The following NCAM1 variants were observed in gnomAD, a reference collection of about 807,000 sequenced individuals.
The protein encoded by NCAM1 is neural cell adhesion molecule 1.
A neutral mutation model predicts 109.8 loss-of-function variants in NCAM1; 14 were observed. The ratio of observed to expected loss-of-function variants is 0.13; its 90% confidence interval spans 0.08 to 0.20. The LOEUF (loss-of-function observed/expected upper bound fraction) is 0.20, where lower values mean the gene tolerates loss of function less well. NCAM1 is among the 10% of genes least tolerant of loss of function. The probability of loss-of-function intolerance (pLI) is 1.00; values close to 1 mark genes in which losing one functional copy is unlikely to be tolerated. For missense variants in NCAM1, 774 were observed against 1,109.9 expected (o/e 0.70, Z 4.30); for synonymous variants, 418 against 442.9 (o/e 0.94, Z 0.70).
intron 6 of NCAM1, 106 bp from the exon 7 acceptor site, chr11:113,207,727 G>T (rs1944278139): frequency 8.2e-7 from 1 of 1,212,338 alleles, no homozygotes; most frequent in Admixed American, 2.2e-5. Context: ...GAAGACTGAG[G>T]AGTCTTTCCC....
intron 9 of NCAM1, among the ~76,000 whole-genome samples, chr11:113,224,614 C>T (rs624550): frequency 0.61 from 92,656 of 152,094 alleles, 30,229 homozygotes; most frequent in African/African-American, 0.85. Context: ...GCTTGAGATC[C>T]GAGAACGGAC....
At chr11:113,055,575 T>G (rs1953668073) in intron 1 of NCAM1, among the ~76,000 whole-genome samples, 1 of 152,196 alleles carries the variant, frequency 6.6e-6, no homozygotes, top group Non-Finnish European at 1.5e-5. Context: ...AACCCACTCC[T>G]TGCTATTTTA....
intron 1 of NCAM1, among the ~76,000 whole-genome samples, chr11:113,067,150 G>A (rs576891990): frequency 2.2e-4 from 34 of 152,246 alleles, no homozygotes; most frequent in Admixed American, 1.2e-3. Context: ...TTCCTCCTTA[G>A]CGTAAGAGTT....
At position 113,232,676 on chromosome 11, in the gene NCAM1, C is replaced by A. The variant is rs1380709722; in HGVS notation, c.1426-42C>A. 1.0e-5 allele frequency: 15 copies of A among 1,455,632 alleles called. No homozygotes were observed. In the Middle Eastern group the frequency reaches 8.6e-4, roughly 84 times the overall value. The allele number at this position is 1,455,632 out of a possible 1,614,324, so 90.2% of individuals were successfully genotyped here. The stretch of plus-strand genomic sequence containing the variant: ...AATAAAGATCTGAGTCTGTGACCAT[C>A]CCATAGGACACTTGTAACCCAATAG... On this transcript the variant is annotated intron_variant, in intron 11 of 19. Coordinates refer to ENST00000316851, the MANE Select transcript of NCAM1 (RefSeq NM_181351.5).
chr11:113,232,324 C>A lies in NCAM1; in HGVS notation c.1395C>A (p.Ile465=), dbSNP rs368123885. 7 of 1,612,538 alleles carry A rather than the reference C, an allele frequency of 4.3e-6. No homozygotes were observed. The highest frequency in any genetic ancestry group is 5.9e-6 in the Non-Finnish European group (7 of 1,179,176). Residue 465 remains isoleucine, a synonymous_variant, in exon 11 of 20, where the codon ATC becomes ATA. Coordinates refer to ENST00000316851, the MANE Select transcript of NCAM1 (RefSeq NM_181351.5). ...LPSSNYSNIK[I]YNTPSASYLE... ...GCTCCAATTACAGCAATATCAAGAT[C>A]TACAACACCCCCTCTGCCAGCTATC...
rs376167833 is a variant in NCAM1, at chr11:113,026,536, A to G, written c.52+64872A>G. The stretch of plus-strand genomic sequence containing the variant: ...CTTAAGGATGCAGGCGGGGAATATC[A>G]ATATATTATTTTGGAAAAATCAGAA... On this transcript the variant is annotated intron_variant, in intron 1 of 19. Coordinates refer to ENST00000316851, the MANE Select transcript of NCAM1 (RefSeq NM_181351.5). Among the ~76,000 whole-genome samples, 10 of 152,286 alleles carry G rather than the reference A, an allele frequency of 6.6e-5. No individual in the cohort carries two copies. The East Asian group carries it at 1.4e-3, about 21-fold the overall frequency.
intron 14 of NCAM1, among the ~76,000 whole-genome samples, chr11:113,238,775 T>C (rs1248667164): frequency 1.3e-5 from 2 of 152,188 alleles, no homozygotes; most frequent in East Asian, 1.9e-4. Context: ...CCTGTAATAC[T>C]GTTGGGATGC....
At chr11:113,155,629 C>T (rs1555103338) in intron 1 of NCAM1, among the ~76,000 whole-genome samples, 1 of 152,086 alleles carries the variant, frequency 6.6e-6, no homozygotes, top group East Asian at 1.9e-4. Context: ...TGAGGCTGCT[C>T]CTGCACCCTC....
intron 17 of NCAM1, chr11:113,264,801 C>T (rs1946100264): frequency 2.0e-6 from 2 of 985,508 alleles, no homozygotes; most frequent in Non-Finnish European, 2.4e-6. Context: ...TCAGGGTCCT[C>T]AAGGGTCCCA....
chr11:112,996,148 T>G (rs1951590721), intron 1 of NCAM1, among the ~76,000 whole-genome samples: 1 of 152,232 alleles, frequency 6.6e-6, no homozygotes, highest in African/African-American at 2.4e-5. Context: ...TGCTTCTGGT[T>G]TTCATCTGTG....
Position 113,215,559 on chromosome 11 carries a change from T to A in NCAM1, c.1059+1048T>A, listed in dbSNP as rs143215892. 1.5e-4 allele frequency among the ~76,000 whole-genome samples: 23 copies of A among 152,280 alleles called. No homozygotes were observed. The East Asian group carries it at 3.9e-3, about 26-fold the overall frequency. On this transcript the variant is annotated intron_variant, in intron 8 of 19. Transcript: ENST00000316851. The stretch of plus-strand genomic sequence containing the variant: ...GATAGTGTGAAATTCCAGAGTTAAA[T>A]TTGGGATTTGCATTTGAGGAGCTGA...
rs1555112702 is a variant in NCAM1 at position 113,205,517 on chromosome 11, T to C, written c.347-6T>C. The C allele has an allele frequency of 1.2e-6, 2 of 1,610,092 alleles. No homozygotes were observed. The highest frequency in any genetic ancestry group is 2.2e-5 in the South Asian group (2 of 90,174). ...GTTTTCCCTCACTCTTCTGTTCATC[T>C]TCCAGAGAAGCTCATGTTCAAGAAT... On this transcript the variant is annotated splice_polypyrimidine_tract_variant and splice_region_variant and intron_variant, in intron 3 of 19. Transcript: ENST00000316851.
intron 9 of NCAM1, among the ~76,000 whole-genome samples, chr11:113,226,567 G>C (rs1169301088): frequency 1.3e-5 from 2 of 152,174 alleles, no homozygotes; most frequent in African/African-American, 2.4e-5. Context: ...ACTCAGCCCT[G>C]CACCAAGTGG....
intron 15 of NCAM1, among the ~76,000 whole-genome samples, chr11:113,249,784 G>A (rs898656747): frequency 7.9e-5 from 12 of 152,148 alleles, no homozygotes; most frequent in Non-Finnish European, 1.5e-4. Context: ...GAAGGGAACT[G>A]GTATTTTTGT....
chr11:112,979,420 G>C (rs1951092502), intron 1 of NCAM1, among the ~76,000 whole-genome samples: 1 of 151,634 alleles, frequency 6.6e-6, no homozygotes, highest in African/African-American at 2.4e-5. Flanking sequence ...TCATAAATTG[G>C]GGCAGCCTCC....
At chr11:113,149,035 G>A (rs1942124846) in intron 1 of NCAM1, among the ~76,000 whole-genome samples, 1 of 152,114 alleles carries the variant, frequency 6.6e-6, no homozygotes, top group Non-Finnish European at 1.5e-5. Context: ...ATCACTTTCT[G>A]GTCTTCCAAG....
chr11:113,170,193 C>G (rs1315993865), intron 1 of NCAM1, among the ~76,000 whole-genome samples: 1 of 152,140 alleles, frequency 6.6e-6, no homozygotes, highest in Non-Finnish European at 1.5e-5. Flanking sequence ...AAGCAGAGAT[C>G]AGAGAATGTG....
At chr11:113,013,532 A>C (rs1175146766) in intron 1 of NCAM1, among the ~76,000 whole-genome samples, 3 of 152,170 alleles carry the variant, frequency 2.0e-5, no homozygotes, top group African/African-American at 4.8e-5. Flanking sequence ...GAATGGTGCC[A>C]AAACTGCTAA....
intron 1 of NCAM1, among the ~76,000 whole-genome samples, chr11:113,092,067 C>G (rs143687057): frequency 6.6e-6 from 1 of 151,970 alleles, no homozygotes; most frequent in Non-Finnish European, 1.5e-5. Context: ...GCCTTCCTCT[C>G]GGTGGAAACT....
Sources: allele counts gnomAD v4.1 joint callset (sites outside exome capture counted in the v4.1 genomes callset), GRCh38; gene constraint gnomAD v4.1.1; transcripts MANE v1.5; gene names NCBI Gene and HGNC (gene_info 2026-07-23, HGNC 2026-07-21).